Variants in MEF2C observed in about 807,000 individuals in gnomAD.
MEF2C encodes myocyte enhancer factor 2C.
In MEF2C, 6 loss-of-function variants were observed where a neutral mutation model predicts 50.5. The observed-to-expected ratio is 0.12, with a 90% CI of 0.07 to 0.23. The LOEUF is 0.23. Ranked by LOEUF, MEF2C falls within the 10% of genes least tolerant of loss-of-function variation. MEF2C has a pLI of 1.00. For missense variants in MEF2C, 276 were observed against 605.0 expected, an observed-to-expected ratio of 0.46 and a Z score of 5.70; for synonymous variants, 183 against 228.0, an observed-to-expected ratio of 0.80 and a Z score of 1.78.
At chr5:88,742,983 T>C (rs1160143417) in intron 6 of MEF2C, 3 of 973,986 alleles carry the variant, frequency 3.1e-6, no homozygotes, top group Admixed American at 1.2e-4. Context: ...GCAATGCCGT[T>C]AGTTATTTAC....
chr5:88,903,541 G>A (rs1582071576), intron 1 of MEF2C, among the ~76,000 whole-genome samples: 1 of 152,064 alleles, frequency 6.6e-6, no homozygotes, highest in East Asian at 1.9e-4. Context: ...TTATTTGGGA[G>A]ATTTATTAGA....
intron 3 of MEF2C, chr5:88,761,760 G>C (rs755261716): frequency 2.4e-5 from 4 of 166,826 alleles, no homozygotes; most frequent in Non-Finnish European, 3.8e-5. Flanking sequence ...ACAGATCCAA[G>C]TGTGAATTTA....
At chr5:88,865,954 G>GGTGC (rs1827195192) in intron 1 of MEF2C, among the ~76,000 whole-genome samples, 1 of 150,614 alleles carries the variant, frequency 6.6e-6, no homozygotes, top group South Asian at 2.1e-4. Context: ...GGAGTGCAGT[G>GGTGC]ACTCTATCTC....
chr5:88,718,637 A>C lies in MEF2C; in HGVS notation c.*3967T>G, dbSNP rs1463453238. On this transcript the variant is annotated 3_prime_UTR_variant, in exon 11 of 11. Coordinates refer to ENST00000504921, the MANE Select transcript of MEF2C (RefSeq NM_002397.5). ...TACTTTGCTCGAAGAGAACACTGGTACTGCATTCAAACCACAACAGAATCC... is the reference window on the plus strand; with the variant it reads ...TACTTTGCTCGAAGAGAACACTGGTCCTGCATTCAAACCACAACAGAATCC... 1 of 152,244 alleles carries C rather than the reference A, an allele frequency of 6.6e-6. No homozygotes were observed. The highest frequency in any genetic ancestry group is 1.5e-5 in the Non-Finnish European group (1 of 68,042). 9.4% of individuals were successfully genotyped at this position (152,244 alleles called of 1,614,324 possible).
At chr5:88,803,963 C>T (rs1799356952) in intron 3 of MEF2C, among the ~76,000 whole-genome samples, 1 of 152,120 alleles carries the variant, frequency 6.6e-6, no homozygotes, top group South Asian at 2.1e-4. Flanking sequence ...TGATTAAACA[C>T]TGAGCTAACA....
intron 1 of MEF2C, among the ~76,000 whole-genome samples, chr5:88,862,339 T>C (rs562717468): frequency 3.3e-5 from 5 of 152,206 alleles, no homozygotes; most frequent in African/African-American, 4.8e-5. Context: ...GAGATACATG[T>C]GTATGTTTGT....
At chr5:88,758,882 G>C (rs1239601353) in intron 4 of MEF2C, among the ~76,000 whole-genome samples, 2 of 152,082 alleles carry the variant, frequency 1.3e-5, no homozygotes, top group African/African-American at 2.4e-5. Context: ...TTACGTAACA[G>C]GCTGAAATCC....
intron 2 of MEF2C, among the ~76,000 whole-genome samples, chr5:88,821,412 C>T (rs1233469288): frequency 1.3e-5 from 2 of 151,852 alleles, no homozygotes; most frequent in African/African-American, 4.8e-5. Context: ...ATGCCACTAC[C>T]ACACCCAGTT....
At chr5:88,738,421 A>AT (rs1765039964) in intron 6 of MEF2C, 1 of 960,876 alleles carries the variant, frequency 1.0e-6, no homozygotes, top group Non-Finnish European at 1.2e-6. Flanking sequence ...AAGCACTTTT[A>AT]ATCTTCACAA....
At chr5:88,747,006 A>G (rs1770039637) in intron 6 of MEF2C, among the ~76,000 whole-genome samples, 2 of 152,186 alleles carry the variant, frequency 1.3e-5, no homozygotes, top group African/African-American at 4.8e-5. Flanking sequence ...CTATTTCTGA[A>G]TTAGAAGATT....
intron 1 of MEF2C, among the ~76,000 whole-genome samples, chr5:88,875,688 G>A (rs1288544190): frequency 2.0e-5 from 3 of 151,966 alleles, no homozygotes; most frequent in African/African-American, 7.2e-5. Flanking sequence ...GAATTTTCAA[G>A]TTAAAGAAGG....
chr5:88,778,110 G>A (rs897853375), intron 3 of MEF2C, among the ~76,000 whole-genome samples: 3 of 151,488 alleles, frequency 2.0e-5, no homozygotes, highest in Admixed American at 6.6e-5. Context: ...GGGTTTCACC[G>A]TGTTAGCCAG....
In MEF2C at chr5:88,738,200, G is replaced by A. The variant is rs1441877600; in HGVS notation, c.638-6299C>T. 4 of 985,190 alleles carry A rather than the reference G, an allele frequency of 4.1e-6. No homozygotes were observed. In the African/African-American group the frequency reaches 7.0e-5, roughly 17 times the overall value. The allele number at this position is 985,190 out of a possible 1,614,324, so 61.0% of individuals were successfully genotyped here. On this transcript the variant is annotated intron_variant, in intron 6 of 10. Transcript: ENST00000504921. ...ATAGAAGTATTTCCCTAGTGTGAGA[G>A]AAGCATGAAAGTAATCTGAATGAGA...
chr5:88,879,991 G>C (rs1457588490), intron 1 of MEF2C, among the ~76,000 whole-genome samples: 2 of 151,852 alleles, frequency 1.3e-5, no homozygotes, highest in Non-Finnish European at 2.9e-5. Context: ...AATCTGGTTT[G>C]ATTTCCTAAA....
intron 1 of MEF2C, among the ~76,000 whole-genome samples, chr5:88,900,385 G>A (rs765071755): frequency 2.0e-5 from 3 of 150,888 alleles, no homozygotes; most frequent in Admixed American, 6.6e-5. Context: ...AGTATATTTT[G>A]TATTTTTAAT....
chr5:88,843,536 C>T (rs1818195739), intron 1 of MEF2C: 3 of 919,842 alleles, frequency 3.3e-6, no homozygotes, highest in South Asian at 5.0e-5. Context: ...AGTTTTATAC[C>T]TTATTCATTT....
Position 88,752,048 on chromosome 5 carries a change from AG to A in MEF2C, c.403-6del. Reference sequence around the variant, plus strand: ...GAAGTTGGGAGGTGGAACAGCCTGCAGGAACAGAAAACAAAACAAAGGTAAA... The same window carrying A: ...GAAGTTGGGAGGTGGAACAGCCTGCAGAACAGAAAACAAAACAAAGGTAAA... On this transcript the variant is annotated splice_polypyrimidine_tract_variant and splice_region_variant and intron_variant, in intron 4 of 10. Transcript: ENST00000504921. The A allele has an allele frequency of 6.3e-7, 1 of 1,596,980 alleles. No individual in the cohort carries two copies. The highest frequency in any genetic ancestry group is 8.5e-7 in the Non-Finnish European group (1 of 1,170,536).
chr5:88,791,644 T>TA (rs1230644928), intron 3 of MEF2C, among the ~76,000 whole-genome samples: 2 of 152,094 alleles, frequency 1.3e-5, no homozygotes, highest in Non-Finnish European at 2.9e-5. Flanking sequence ...AGATTATTTT[T>TA]AAAAAAGAAA....
chr5:88,860,398 A>C (rs1825094402), intron 1 of MEF2C, among the ~76,000 whole-genome samples: 1 of 151,972 alleles, frequency 6.6e-6, no homozygotes, highest in Non-Finnish European at 1.5e-5. Context: ...CCTGCTGGTC[A>C]TAATGGTGGA....
Sources: allele counts gnomAD v4.1 joint callset (sites outside exome capture counted in the v4.1 genomes callset), GRCh38; gene constraint gnomAD v4.1.1; transcripts MANE v1.5; gene names NCBI Gene and HGNC (gene_info 2026-07-23, HGNC 2026-07-21).